CD82: variants seen among roughly 807,000 people sequenced by gnomAD.
CD82 encodes the protein CD82 molecule.
In CD82, 36 loss-of-function variants were observed where a neutral mutation model predicts 37.4. The ratio of observed to expected loss-of-function variants is 0.96; its 90% CI spans 0.74 to 1.27. CD82 has a LOEUF of 1.27. CD82 is among the 50% of genes most tolerant of loss of function. The pLI, the probability that CD82 is intolerant of heterozygous loss-of-function variation, is 0.00. For synonymous variants in CD82, 158 were observed against 137.4 expected (o/e 1.15, Z -1.05); for missense variants, 340 against 347.0 (o/e 0.98, Z 0.16).
At chr11:44,596,187 C>A (rs1448985516) in intron 3 of CD82, among the ~76,000 whole-genome samples, 5 of 152,208 alleles carry the variant, frequency 3.3e-5, no homozygotes, top group African/African-American at 1.2e-4. Flanking sequence ...GCTTGGGCTT[C>A]CCCAGCTTGG....
intron 2 of CD82, 134 bp from the exon 3 acceptor site, chr11:44,594,508 TG>T: frequency 3.1e-6 from 2 of 636,832 alleles, no homozygotes; most frequent in South Asian, 3.6e-5. Context: ...TGTGTGGCTT[TG>T]GGCTAGTTGT....
Position 44,605,106 on chromosome 11 carries a change from TG to T in CD82, c.190del (p.Ala64GlnfsTer31). On this transcript the variant is annotated frameshift_variant, in exon 5 of 10. Coordinates refer to ENST00000227155, the MANE Select transcript of CD82 (RefSeq NM_002231.4). LOFTEE classifies it high-confidence loss of function. ...ATGGGGGCCTATGTCTTCATCGGCG[TG>T]GGGGCAGTCACTATGCTCATGGGCT... ...LRMGAYVFIG[V>X]GAVTMLMGFL... The T allele has an allele frequency of 6.2e-7, 1 of 1,614,180 alleles. No homozygotes were observed. The highest frequency in any genetic ancestry group is 8.5e-7 in the Non-Finnish European group (1 of 1,180,016).
rs568095244 is a variant in CD82 at position 44,601,779 on chromosome 11, C to T, written c.136+1549C>T. Reference sequence around the variant, plus strand: ...CCCACCCACCCCAAGGGACCTGACTCGGTTGGTGTGGGTGGGAGCCTGAGT... The same window carrying T: ...CCCACCCACCCCAAGGGACCTGACTTGGTTGGTGTGGGTGGGAGCCTGAGT... On this transcript the variant is annotated intron_variant, in intron 4 of 9. Transcript: ENST00000227155. Among the ~76,000 whole-genome samples the T allele has an allele frequency of 5.3e-5, 8 of 152,264 alleles. No individual in the cohort carries two copies. The South Asian group carries it at 1.5e-3, about 28-fold the overall frequency.
At chr11:44,615,922 G>A (rs1321799459) in intron 7 of CD82, among the ~76,000 whole-genome samples, 1 of 152,204 alleles carries the variant, frequency 6.6e-6, no homozygotes, top group Non-Finnish European at 1.5e-5. Flanking sequence ...ATGGATGGAT[G>A]GGTGGACAGA....
intron 3 of CD82, 107 bp downstream of exon 3, chr11:44,594,832 T>G: frequency 1.1e-6 from 1 of 926,558 alleles, no homozygotes; most frequent in Non-Finnish European, 1.8e-6. Context: ...TTGGGGGGAT[T>G]TGGTGGGTAG....
chr11:44,619,851 G>T lies in CD82; in HGVS notation c.*725G>T, dbSNP rs1853638188. The T allele has an allele frequency of 6.6e-6, 1 of 151,842 alleles. No individual in the cohort carries two copies. Among genetic ancestry groups the T allele is most frequent in the South Asian group, 2.1e-4 (1 of 4,806 alleles). The allele number at this position is 151,842 out of a possible 1,614,324, so 9.4% of individuals were successfully genotyped here. A position where few individuals can be genotyped will look rare whatever the true frequency, so the allele number is the denominator to read the frequency against. On this transcript the variant is annotated 3_prime_UTR_variant, in exon 10 of 10. Transcript: ENST00000227155. Reference sequence around the variant, plus strand: ...CTGTCAGGAGACTGCCTACTGGGTGGGTCAACTTATTTCCCACTATGACAT... The same window carrying T: ...CTGTCAGGAGACTGCCTACTGGGTGTGTCAACTTATTTCCCACTATGACAT...
At chr11:44,600,256 C>A in intron 4 of CD82, 26 bp downstream of exon 4, 2 of 1,609,458 alleles carry the variant, frequency 1.2e-6, no homozygotes, top group Non-Finnish European at 1.7e-6. Context: ...CTTCCCCAGA[C>A]CCAGGCCCAC....
At chr11:44,573,845 C>G (rs886227052) in intron 1 of CD82, among the ~76,000 whole-genome samples, 1 of 152,184 alleles carries the variant, frequency 6.6e-6, no homozygotes, top group Non-Finnish European at 1.5e-5. Flanking sequence ...CACCTCTGGG[C>G]AAGTTTCTTG....
At chr11:44,605,485 G>C in intron 6 of CD82, 56 bp downstream of exon 6, 1 of 1,521,240 alleles carries the variant, frequency 6.6e-7, no homozygotes, top group Non-Finnish European at 9.1e-7. Flanking sequence ...GGGGGTGATT[G>C]ACTGAGTGTG....
chr11:44,579,969 A>G (rs1182063232), intron 1 of CD82, among the ~76,000 whole-genome samples: 1 of 152,164 alleles, frequency 6.6e-6, no homozygotes, highest in Non-Finnish European at 1.5e-5. Context: ...ATGATCACAG[A>G]AACAGGGAGT....
At chr11:44,580,422 AT>A (rs1342591403) in intron 1 of CD82, among the ~76,000 whole-genome samples, 2 of 152,188 alleles carry the variant, frequency 1.3e-5, no homozygotes, top group Non-Finnish European at 2.9e-5. Context: ...GAAAAGTTAA[AT>A]GACAGTTAGG....
At chr11:44,576,734 A>G (rs1383380096) in intron 1 of CD82, among the ~76,000 whole-genome samples, 1 of 152,186 alleles carries the variant, frequency 6.6e-6, no homozygotes, top group Non-Finnish European at 1.5e-5. Context: ...CTTATGCTTT[A>G]CAGCTCTTGG....
intron 1 of CD82, among the ~76,000 whole-genome samples, chr11:44,574,328 C>T (rs745321439): frequency 1.8e-4 from 27 of 152,160 alleles, no homozygotes; most frequent in Admixed American, 1.3e-4. Context: ...GCTTGGAAAG[C>T]TCATGATTTT....
At position 44,618,162 on chromosome 11, in the gene CD82, G is replaced by C; in HGVS notation, c.439G>C (p.Val147Leu). 6.2e-7 allele frequency: 1 copy of C among 1,613,922 alleles called. No homozygotes were observed. The highest frequency in any genetic ancestry group is 1.3e-5 in the African/African-American group (1 of 75,062). ...GCAGTCTGTCCCCTGCCTTGCCCAGGTGAAGTGCTGCGGCTGGGTCAGCTT... is the reference window on the plus strand; with the variant it reads ...GCAGTCTGTCCCCTGCCTTGCCCAGCTGAAGTGCTGCGGCTGGGTCAGCTT... ...QDAWDYVQAQVKCCGWVSFYN... is the reference protein window; with the variant it reads ...QDAWDYVQAQLKCCGWVSFYN... The change falls in exon 8 of 10, where the codon GTG becomes CTG. Residue 147 changes from valine to leucine, a missense_variant and splice_region_variant. Physicochemically the swap from Val to Leu is conservative, Grantham distance 32. Transcript: ENST00000227155.
At chr11:44,609,181 T>C (rs908244948) in intron 6 of CD82, among the ~76,000 whole-genome samples, 7 of 152,186 alleles carry the variant, frequency 4.6e-5, no homozygotes, top group African/African-American at 1.4e-4. Context: ...TGTTTTAGTG[T>C]GGGCTCTGCC....
intron 1 of CD82, among the ~76,000 whole-genome samples, chr11:44,576,227 C>G (rs1421632658): frequency 6.6e-6 from 1 of 152,178 alleles, no homozygotes; most frequent in Non-Finnish European, 1.5e-5. Context: ...CTGGCAGGCA[C>G]AACAGAGGGA....
intron 1 of CD82, among the ~76,000 whole-genome samples, chr11:44,584,822 A>G (rs1170834158): frequency 6.6e-6 from 1 of 152,212 alleles, no homozygotes; most frequent in African/African-American, 2.4e-5. Flanking sequence ...ATGAAAACAA[A>G]CACAGCCGTC....
intron 4 of CD82, chr11:44,604,405 GC>G (rs1853357975): frequency 6.3e-6 from 1 of 157,630 alleles, no homozygotes; most frequent in Non-Finnish European, 1.4e-5. Context: ...GCCTTTCTGA[GC>G]CTCATTTTTT....
Position 44,618,325 on chromosome 11 carries a change from A to G in CD82, c.602A>G (p.Gln201Arg). 1 of 1,613,716 alleles carries G rather than the reference A, an allele frequency of 6.2e-7. No homozygotes were observed. Reference protein sequence around the residue: ...GFCEAPGNRTQSGNHPEDWPV... With the variant: ...GFCEAPGNRTRSGNHPEDWPV... ...TGCGAGGCCCCCGGCAACAGGACCC[A>G]GAGTGGCAACCACCCTGAGGACTGG... The change falls in exon 8 of 10, where the codon CAG (glutamine) becomes CGG (arginine). Residue 201 changes from glutamine to arginine, a missense_variant. By Grantham distance (43) the Gln-to-Arg change is conservative (BLOSUM62 1). Transcript: ENST00000227155.
Sources: gnomAD v4.1 joint callset for allele counts (sites outside exome capture counted in the v4.1 genomes callset) on GRCh38, gnomAD v4.1.1 for gene constraint, MANE v1.5 for transcripts, NCBI Gene and HGNC (gene_info 2026-07-23, HGNC 2026-07-21) for gene names.